Variants in PELI2 observed in about 807,000 individuals in gnomAD.
PELI2 encodes E3 ubiquitin-protein ligase pellino homolog 2.
PELI2 carries 23 observed loss-of-function variants against 42.3 expected under a neutral mutation model. The observed-to-expected ratio is 0.54, with a 90% confidence interval of 0.39 to 0.77. The LOEUF (loss-of-function observed/expected upper bound fraction) is 0.77. PELI2 is among the 30% of genes least tolerant of loss of function. The pLI is 0.00. For synonymous variants in PELI2, 245 were observed against 212.2 expected, an observed-to-expected ratio of 1.15 and a Z score of -1.34; for missense variants, 463 against 553.2, an observed-to-expected ratio of 0.84 and a Z score of 1.64.
intron 1 of PELI2, among the ~76,000 whole-genome samples, chr14:56,153,968 C>G (rs1478516275): frequency 6.6e-6 from 1 of 151,872 alleles, no homozygotes. Context: ...TAATACTGTA[C>G]CATTAGAAAT....
intron 2 of PELI2, among the ~76,000 whole-genome samples, chr14:56,262,314 CTT>C (rs1888740502): frequency 6.6e-6 from 1 of 152,134 alleles, no homozygotes; most frequent in Non-Finnish European, 1.5e-5. Context: ...CATGGATAGA[CTT>C]TTTAATCAAT....
intron 1 of PELI2, among the ~76,000 whole-genome samples, chr14:56,134,777 A>AT (rs74387457): frequency 0.2 from 27,558 of 140,860 alleles, 2,755 homozygotes; most frequent in Middle Eastern, 0.24. Flanking sequence ...TCAGTAAACT[A>AT]TTTTTTTTTT....
chr14:56,250,253 G>C (rs1888299581), intron 2 of PELI2, among the ~76,000 whole-genome samples: 1 of 152,178 alleles, frequency 6.6e-6, no homozygotes, highest in African/African-American at 2.4e-5. Context: ...ATGGGGGTGA[G>C]ATTTCAGCCA....
intron 1 of PELI2, among the ~76,000 whole-genome samples, chr14:56,141,493 C>T (rs987531530): frequency 6.6e-6 from 1 of 152,128 alleles, no homozygotes; most frequent in African/African-American, 2.4e-5. Context: ...ATTTCATAGA[C>T]CAGGTGTTAG....
At chr14:56,184,728 T>C (rs773185640) in intron 2 of PELI2, among the ~76,000 whole-genome samples, 10 of 152,090 alleles carry the variant, frequency 6.6e-5, no homozygotes, top group African/African-American at 9.6e-5. Context: ...AGATTTACTA[T>C]GAGCAGTATT....
intron 2 of PELI2, among the ~76,000 whole-genome samples, chr14:56,239,075 C>T (rs994104882): frequency 3.3e-5 from 5 of 151,910 alleles, no homozygotes; most frequent in South Asian, 2.1e-4. Context: ...TTCAGAGAGG[C>T]CTTTTTATGC....
chr14:56,168,484 T>C (rs1275005532), intron 1 of PELI2, among the ~76,000 whole-genome samples: 2 of 152,188 alleles, frequency 1.3e-5, no homozygotes, highest in African/African-American at 2.4e-5. Flanking sequence ...ACTGCCAGAC[T>C]ACTGCCAATG....
At chr14:56,280,021 G>A (rs555148778) in intron 3 of PELI2, among the ~76,000 whole-genome samples, 2 of 152,056 alleles carry the variant, frequency 1.3e-5, no homozygotes, top group South Asian at 2.1e-4. Flanking sequence ...AATTAAGCAA[G>A]AATAAAAATT....
intron 2 of PELI2, among the ~76,000 whole-genome samples, chr14:56,250,765 T>C (rs541738773): frequency 2.0e-5 from 3 of 152,226 alleles, no homozygotes; most frequent in African/African-American, 7.2e-5. Context: ...ATCCGCTGAC[T>C]CAAATGTTAA....
Position 56,297,352 on chromosome 14 carries a change from T to A in PELI2, c.*186T>A. 1.8e-6 allele frequency: 1 copy of A among 558,814 alleles called. No homozygotes were observed. 34.6% of individuals were successfully genotyped at this position (558,814 alleles called of 1,614,324 possible). On this transcript the variant is annotated 3_prime_UTR_variant, in exon 6 of 6. Transcript: ENST00000267460. Reference sequence around the variant, plus strand: ...CAGATACCAGTGGTGTGTTGCATGCTCAAAACAGCAGCGTCGTCATTGAAG... The same window carrying A: ...CAGATACCAGTGGTGTGTTGCATGCACAAAACAGCAGCGTCGTCATTGAAG...
intron 1 of PELI2, among the ~76,000 whole-genome samples, chr14:56,151,030 G>T (rs929312145): frequency 6.6e-6 from 1 of 152,188 alleles, no homozygotes; most frequent in African/African-American, 2.4e-5. Flanking sequence ...AAAGATTCAG[G>T]CACCCTTGTC....
Position 56,290,421 on chromosome 14 carries a change from C to G in PELI2, c.661C>G (p.Arg221Gly). 1 of 1,607,748 alleles carries G rather than the reference C, an allele frequency of 6.2e-7. No homozygotes were observed. The highest frequency in any genetic ancestry group is 2.2e-5 in the East Asian group (1 of 44,726). Residue 221 changes from arginine (R) to glycine (G), a missense_variant, in exon 5 of 6, where the codon CGA becomes GGA. Coordinates refer to ENST00000267460, the MANE Select transcript of PELI2 (RefSeq NM_021255.3). ...ISVCGDVYTLRETRSAQQRGK... is the reference protein window; with the variant it reads ...ISVCGDVYTLGETRSAQQRGK... ...TGTCTGTGGAGATGTGTACACCTTG[C>G]GAGAAACCAGGTCGGCCCAGCAACG...
chr14:56,225,632 G>C (rs1346997873), intron 2 of PELI2, among the ~76,000 whole-genome samples: 1 of 152,220 alleles, frequency 6.6e-6, no homozygotes, highest in Non-Finnish European at 1.5e-5. Flanking sequence ...GGCAGGGGCA[G>C]CGGTCACAAC....
chr14:56,208,015 G>T (rs1248159347), intron 2 of PELI2, among the ~76,000 whole-genome samples: 6 of 152,216 alleles, frequency 3.9e-5, no homozygotes, highest in Non-Finnish European at 8.8e-5. Flanking sequence ...GTAAAAGCCA[G>T]ACATCTCTTG....
At chr14:56,268,009 C>G (rs1429649083) in intron 2 of PELI2, among the ~76,000 whole-genome samples, 1 of 152,136 alleles carries the variant, frequency 6.6e-6, no homozygotes, top group Non-Finnish European at 1.5e-5. Flanking sequence ...ATGTCAGATT[C>G]AATTTATAGC....
rs201797902 is a variant in PELI2 at position 56,226,108 on chromosome 14, C to T, written c.207+47644C>T. Among the ~76,000 whole-genome samples, 12 of 152,206 alleles carry T rather than the reference C, an allele frequency of 7.9e-5. No homozygotes were observed. In the East Asian group the frequency reaches 2.3e-3, roughly 29 times the overall value. On this transcript the variant is annotated intron_variant, in intron 2 of 5. Coordinates refer to ENST00000267460, the MANE Select transcript of PELI2 (RefSeq NM_021255.3). ...AAAGAAGAAGAAGAAGAAGTCAGGT[C>T]AAGTGAGCCTGAGTCGCTCTCATAG...
In PELI2 at chr14:56,288,620, A is replaced by C; in HGVS notation, c.493A>C (p.Asn165His). ...CGCCGCCGGATTTGACTCTTCCAAAAACATATTTCTTGGAGTAAGTACTGT... is the reference window on the plus strand; with the variant it reads ...CGCCGCCGGATTTGACTCTTCCAAACACATATTTCTTGGAGTAAGTACTGT... ...IFAAGFDSSK[N>H]IFLGEKAAKW... The change falls in exon 4 of 6, where the codon AAC (asparagine) becomes CAC (histidine). Residue 165 changes from asparagine to histidine, a missense_variant. Transcript: ENST00000267460. This position sits in a 1 kb window ranked among gnomAD's most constrained non-coding sequence, Gnocchi z 4.6. 5 of 1,612,662 alleles carry C rather than the reference A, an allele frequency of 3.1e-6. No homozygotes were observed. The highest frequency in any genetic ancestry group is 4.2e-6 in the Non-Finnish European group (5 of 1,179,020).
At chr14:56,144,611 G>A (rs1291678999) in intron 1 of PELI2, among the ~76,000 whole-genome samples, 3 of 152,128 alleles carry the variant, frequency 2.0e-5, no homozygotes, top group Non-Finnish European at 2.9e-5. Flanking sequence ...CATAAAACTG[G>A]CCATCACACC....
At chr14:56,137,424 T>C (rs2139597610) in intron 1 of PELI2, among the ~76,000 whole-genome samples, 1 of 152,306 alleles carries the variant, frequency 6.6e-6, no homozygotes, top group Admixed American at 6.5e-5. Context: ...TTGGATCCTG[T>C]CCCATTGCCA....
Sources: gnomAD v4.1 joint callset for allele counts (sites outside exome capture counted in the v4.1 genomes callset) on GRCh38, gnomAD v4.1.1 for gene constraint, Gnocchi (gnomAD v3.1) non-coding constraint, MANE v1.5 for transcripts, NCBI Gene and HGNC (gene_info 2026-07-23, HGNC 2026-07-21) for gene names.